TMEM232: variants seen among roughly 807,000 people sequenced by gnomAD.
TMEM232 encodes transmembrane protein 232.
In TMEM232, 80 loss-of-function variants were observed where a neutral mutation model predicts 78.8. The observed-to-expected ratio is 1.01, with a 90% CI of 0.85 to 1.22. The LOEUF (loss-of-function observed/expected upper bound fraction) is 1.22, where lower values mean the gene tolerates loss of function less well. Among genes scored for constraint, TMEM232 ranks in the 50% most tolerant of loss-of-function variants. The probability of loss-of-function intolerance (pLI) is 0.00; values close to 1 mark genes in which losing one functional copy is unlikely to be tolerated. For synonymous variants in TMEM232, 297 were observed against 254.3 expected, an observed-to-expected ratio of 1.17 and a Z score of -1.60; for missense variants, 881 against 742.2, an observed-to-expected ratio of 1.19 and a Z score of -2.17.
intron 12 of TMEM232, among the ~76,000 whole-genome samples, chr5:110,506,842 A>G (rs1766963827): frequency 1.3e-5 from 2 of 152,152 alleles, no homozygotes; most frequent in African/African-American, 4.8e-5. Flanking sequence ...ATTTAAGTAT[A>G]TTATTTCCTA....
At chr5:110,613,497 G>A (rs1782562055) in intron 8 of TMEM232, among the ~76,000 whole-genome samples, 2 of 152,050 alleles carry the variant, frequency 1.3e-5, no homozygotes, top group South Asian at 2.1e-4. Context: ...GAAATGTACG[G>A]CAAATGAAAT....
chr5:110,600,698 C>G (rs555717144), intron 10 of TMEM232, among the ~76,000 whole-genome samples: 1 of 152,142 alleles, frequency 6.6e-6, no homozygotes, highest in African/African-American at 2.4e-5. Flanking sequence ...AAGACCAGAA[C>G]CAGATGGAAT....
chr5:110,701,060 G>A (rs1795390701), intron 1 of TMEM232, among the ~76,000 whole-genome samples: 1 of 151,720 alleles, frequency 6.6e-6, no homozygotes, highest in Non-Finnish European at 1.5e-5. Flanking sequence ...CATTTGATAG[G>A]AAGAGATTTT....
Position 110,638,338 on chromosome 5 carries a change from A to G in TMEM232, c.361T>C (p.Tyr121His), listed in dbSNP as rs1035434547. ...EIQDESLNML[Y>H]ASLDHASFDY... Reference sequence around the variant, plus strand: ...AAGGAAGCATGGTCCAGAGATGCATAAAGCATATTTAAAGATTCTGAAATA... The same window carrying G: ...AAGGAAGCATGGTCCAGAGATGCATGAAGCATATTTAAAGATTCTGAAATA... Residue 121 changes from tyrosine to histidine, a missense_variant, in exon 5 of 14, where the codon TAT (tyrosine) becomes CAT (histidine). Physicochemically the swap from Tyr to His is moderately conservative, Grantham distance 83 (BLOSUM62 2). Transcript: ENST00000455884. The G allele has an allele frequency of 2.0e-6, 3 of 1,537,876 alleles. No homozygotes were observed. The highest frequency in any genetic ancestry group is 2.6e-6 in the Non-Finnish European group (3 of 1,143,122).
chr5:110,438,228 T>C (rs1561494738), intron 12 of TMEM232, among the ~76,000 whole-genome samples: 1 of 151,916 alleles, frequency 6.6e-6, no homozygotes. Context: ...TCCCTTTTCT[T>C]AGGCTTTTTT....
At chr5:110,607,538 GGAGTAGTGATTACAT>G (rs1217856488) in intron 8 of TMEM232, among the ~76,000 whole-genome samples, 63 of 152,070 alleles carry the variant, frequency 4.1e-4, no homozygotes, top group Non-Finnish European at 7.4e-5. Context: ...TATCTTGATT[GGAGTAGTGATTACAT>G]GAGTGTATAC....
At chr5:110,598,868 G>T (rs1437949638) in intron 10 of TMEM232, among the ~76,000 whole-genome samples, 1 of 111,142 alleles carries the variant, frequency 9.0e-6, no homozygotes, top group African/African-American at 3.5e-5. Context: ...TTGTGGGGTG[G>T]GGGGAGGGGG....
intron 1 of TMEM232, among the ~76,000 whole-genome samples, chr5:110,686,168 T>C (rs244408): frequency 0.71 from 107,119 of 151,786 alleles, 39,455 homozygotes; most frequent in Middle Eastern, 0.82. Context: ...CTAATCCCAA[T>C]ACTTGTGAAT....
chr5:110,654,190 T>A (rs1788714801), intron 2 of TMEM232, among the ~76,000 whole-genome samples: 1 of 151,076 alleles, frequency 6.6e-6, no homozygotes, highest in African/African-American at 2.5e-5. Context: ...TCATGCCCCC[T>A]GGCCATTGCT....
At chr5:110,708,553 G>C (rs142296714) in intron 1 of TMEM232, among the ~76,000 whole-genome samples, 319 of 151,454 alleles carry the variant, frequency 2.1e-3, no homozygotes, top group Middle Eastern at 0.01. Context: ...AGACAGTATA[G>C]TAAGACATAA....
At chr5:110,626,626 A>G (rs1784459357) in intron 6 of TMEM232, among the ~76,000 whole-genome samples, 1 of 152,062 alleles carries the variant, frequency 6.6e-6, no homozygotes, top group African/African-American at 2.4e-5. Flanking sequence ...ATCAGCATAA[A>G]TATTTATAGC....
At chr5:110,525,173 A>C (rs905504688) in intron 12 of TMEM232, among the ~76,000 whole-genome samples, 1 of 151,840 alleles carries the variant, frequency 6.6e-6, no homozygotes, top group Admixed American at 6.6e-5. Flanking sequence ...AATAAGAAAA[A>C]AAAAAAAGCC....
chr5:110,484,376 AT>A (rs1764234421), intron 12 of TMEM232, among the ~76,000 whole-genome samples: 1 of 152,126 alleles, frequency 6.6e-6, no homozygotes, highest in South Asian at 2.1e-4. Flanking sequence ...CACTAAAAAA[AT>A]ACCTATTTAA....
intron 7 of TMEM232, among the ~76,000 whole-genome samples, chr5:110,622,500 G>A (rs555277114): frequency 6.6e-6 from 1 of 152,220 alleles, no homozygotes; most frequent in East Asian, 1.9e-4. Context: ...TTTCATCCAT[G>A]TCCCTACAAA....
chr5:110,588,097 G>C (rs1779081234), intron 10 of TMEM232, among the ~76,000 whole-genome samples: 1 of 152,000 alleles, frequency 6.6e-6, no homozygotes, highest in Admixed American at 6.6e-5. Flanking sequence ...TTGGTTCTAA[G>C]ATTCCAATTA....
chr5:110,659,679 T>C (rs1000229653), intron 2 of TMEM232, among the ~76,000 whole-genome samples: 1 of 152,092 alleles, frequency 6.6e-6, no homozygotes, highest in Non-Finnish European at 1.5e-5. Context: ...ATCATGCTCA[T>C]CCCACCACAT....
Position 110,464,419 on chromosome 5 carries a change from A to G in TMEM232, c.1704-39503T>C, listed in dbSNP as rs181764779. Among the ~76,000 whole-genome samples the G allele has an allele frequency of 2.6e-5, 4 of 152,334 alleles. No homozygotes were observed. The East Asian group carries it at 7.7e-4, about 29-fold the overall frequency. On this transcript the variant is annotated intron_variant, in intron 12 of 13. Transcript: ENST00000455884. ...AAGCTTCAAATCTGGAATTGCCATC[A>G]TAGGCCAGAGTAAGTCTAGAATCTA... is the stretch of plus-strand genomic sequence containing the variant.
At chr5:110,423,805 GTGTGTA>G (rs887202570) in intron 13 of TMEM232, among the ~76,000 whole-genome samples, 5 of 151,680 alleles carry the variant, frequency 3.3e-5, no homozygotes, top group Non-Finnish European at 5.9e-5. Flanking sequence ...GTGTGTGTGT[GTGTGTA>G]TGTGTATGTG....
Position 110,598,754 on chromosome 5 carries a change from C to T in TMEM232, c.1276+6355G>A, listed in dbSNP as rs188313082. Among the ~76,000 whole-genome samples, 672 of 150,014 alleles carry T rather than the reference C, an allele frequency of 4.5e-3. 3 individuals carry two copies. The highest frequency in any genetic ancestry group is 6.5e-3 in the Non-Finnish European group (440 of 67,724). On this transcript the variant is annotated intron_variant, in intron 10 of 13. Transcript: ENST00000455884. ...GAAATTATCATTCTCAGTAAACTAT[C>T]GCAAGGACAAAAAACCAAACACCGC...
Sources: allele counts gnomAD v4.1 joint callset (sites outside exome capture counted in the v4.1 genomes callset), GRCh38; gene constraint gnomAD v4.1.1; transcripts MANE v1.5; gene names NCBI Gene and HGNC (gene_info 2026-07-23, HGNC 2026-07-21).